Variants in NEMF observed in about 807,000 individuals in gnomAD.
NEMF encodes nuclear export mediator factor, also known as ribosome quality control complex subunit NEMF.
A neutral mutation model predicts 162.2 loss-of-function variants in NEMF; 89 were observed. The observed-to-expected ratio is 0.55, with a 90% CI of 0.46 to 0.65. The LOEUF is 0.65. NEMF is among the 30% of genes least tolerant of loss of function. The probability of loss-of-function intolerance (pLI) is 0.00; values close to 1 mark genes in which losing one functional copy is unlikely to be tolerated. For synonymous variants in NEMF, 421 were observed against 404.5 expected, an observed-to-expected ratio of 1.04 and a Z score of -0.49; for missense variants, 1,133 against 1,261.9, an observed-to-expected ratio of 0.90 and a Z score of 1.55.
intron 11 of NEMF, among the ~76,000 whole-genome samples, chr14:49,830,595 G>C (rs996623794): frequency 6.6e-6 from 1 of 152,192 alleles, no homozygotes; most frequent in African/African-American, 2.4e-5. Flanking sequence ...ATGCTGGCCA[G>C]GCTGTTCTTG....
rs1378160884 is a variant in NEMF at position 49,783,494 on chromosome 14, T to G, written c.*1142A>C. 1 of 151,636 alleles carries G rather than the reference T, an allele frequency of 6.6e-6. No homozygotes were observed. Among genetic ancestry groups the G allele is most frequent in the African/African-American group, 2.4e-5 (1 of 40,922 alleles). The allele number at this position is 151,636 out of a possible 1,614,324, so 9.4% of individuals were successfully genotyped here. A position where few individuals can be genotyped will look rare whatever the true frequency, so the allele number is the denominator to read the frequency against. On this transcript the variant is annotated 3_prime_UTR_variant, in exon 33 of 33. Transcript: ENST00000298310. ...GTGTAGGGGCTGGAGCAAGTGGTCA[T>G]GCTGAATACAGGCAGGTGCTGTCCA...
At chr14:49,806,819 G>C (rs1252538193) in intron 18 of NEMF, among the ~76,000 whole-genome samples, 1 of 152,096 alleles carries the variant, frequency 6.6e-6, no homozygotes, top group Non-Finnish European at 1.5e-5. Flanking sequence ...TCATGAACAT[G>C]AAGAGCATAT....
At chr14:49,804,630 C>T (rs1362440097) in intron 19 of NEMF, among the ~76,000 whole-genome samples, 1 of 150,680 alleles carries the variant, frequency 6.6e-6, no homozygotes, top group Admixed American at 6.7e-5. Flanking sequence ...CACGCCATTG[C>T]ATTCTAGCCT....
intron 27 of NEMF, 66 bp from the exon 28 acceptor site, chr14:49,789,409 A>T: frequency 6.2e-7 from 1 of 1,610,128 alleles, no homozygotes; most frequent in Non-Finnish European, 8.5e-7. Context: ...TTTAACAAGA[A>T]TGTATTGAAT....
At position 49,785,021 on chromosome 14, in the gene NEMF, GAGTA is replaced by G. The variant is rs749537590; in HGVS notation, c.3074-21_3074-18del. On this transcript the variant is annotated intron_variant, in intron 31 of 32. Transcript: ENST00000298310. ...TTTTTGCAGCTGTAAATACAAAAAA[GAGTA>G]AGAATAATCTACTGTTAAGTCACTG... The G allele has an allele frequency of 2.8e-4, 445 of 1,610,990 alleles. No individual in the cohort carries two copies. The highest frequency in any genetic ancestry group is 3.6e-4 in the Non-Finnish European group (428 of 1,177,514).
rs370275157 is a variant in NEMF, at chr14:49,852,746, C to A, written c.8G>T (p.Ser3Ile). 59 of 1,614,134 alleles carry A rather than the reference C, an allele frequency of 3.7e-5. No homozygotes were observed. Among genetic ancestry groups the A allele is most frequent in the Non-Finnish European group, 5.0e-5 (59 of 1,180,060 alleles). MKSRFSTIDLRAV... is the reference protein window; with the variant it reads MKIRFSTIDLRAV... The stretch of plus-strand genomic sequence containing the variant: ...GCGGAGGTCAATGGTGCTAAAGCGG[C>A]TCTTCATGGCGAGGCCCGAGGGTCA... Residue 3 changes from serine (S) to isoleucine (I), a missense_variant, in exon 1 of 33, where the codon AGC becomes ATC. This residue lies in a region of NEMF where 582 missense variants were observed against 631.5 expected (regional missense o/e 0.92). Coordinates refer to ENST00000298310, the MANE Select transcript of NEMF (RefSeq NM_004713.6).
At chr14:49,799,006 G>A (rs1035285268) in intron 25 of NEMF, among the ~76,000 whole-genome samples, 1 of 151,802 alleles carries the variant, frequency 6.6e-6, no homozygotes, top group African/African-American at 2.4e-5. Flanking sequence ...TTGAGCCCAG[G>A]GGTTTAAGAC....
chr14:49,828,941 T>C, intron 13 of NEMF, 113 bp downstream of exon 13: 1 of 1,317,732 alleles, frequency 7.6e-7, no homozygotes, highest in Non-Finnish European at 1.0e-6. Context: ...AAATTAGTTT[T>C]TTCCCTTTCT....
At chr14:49,825,832 A>G in intron 16 of NEMF, 35 bp downstream of exon 16, 1 of 1,384,444 alleles carries the variant, frequency 7.2e-7, no homozygotes, top group Non-Finnish European at 1.0e-6. Flanking sequence ...TTTAATAAAA[A>G]CAAAAACTGT....
intron 29 of NEMF, 37 bp downstream of exon 29, chr14:49,786,679 TCA>T: frequency 6.4e-7 from 1 of 1,563,688 alleles, no homozygotes. Flanking sequence ...TGAATTGTAA[TCA>T]CAGTGTTGTA....
chr14:49,809,847 C>T (rs1032040773), intron 18 of NEMF, among the ~76,000 whole-genome samples: 2 of 151,902 alleles, frequency 1.3e-5, no homozygotes, highest in East Asian at 3.9e-4. Context: ...GGCAACAGAG[C>T]GAGACTCTGT....
intron 18 of NEMF, among the ~76,000 whole-genome samples, chr14:49,813,133 A>C (rs1433024991): frequency 6.6e-6 from 1 of 152,158 alleles, no homozygotes; most frequent in African/African-American, 2.4e-5. Context: ...ATGTGCACTT[A>C]AGAATACAGG....
Position 49,793,316 on chromosome 14 carries a change from T to C in NEMF, c.2619+2475A>G, listed in dbSNP as rs914520385. Among the ~76,000 whole-genome samples, 5 of 152,302 alleles carry C rather than the reference T, an allele frequency of 3.3e-5. No individual in the cohort carries two copies. In the East Asian group the frequency reaches 7.7e-4, roughly 23 times the overall value. ...TAAAATTAGTAAGTGCTCTATAAGA[T>C]TGCCCATTACTTGATCAACATGAAA... On this transcript the variant is annotated intron_variant, in intron 26 of 32. Coordinates refer to ENST00000298310, the MANE Select transcript of NEMF (RefSeq NM_004713.6).
rs57660068 is a variant in NEMF at position 49,813,662 on chromosome 14, GGTGTGTGTGT to G, written c.1744+316_1744+325del. ...TTTATCATTACATCTTTTTTTATTA[GGTGTGTGTGT>G]GTGTGTGTGTGTGTGTGTGTGTGTG... On this transcript the variant is annotated intron_variant, in intron 18 of 32. Coordinates refer to ENST00000298310, the MANE Select transcript of NEMF (RefSeq NM_004713.6). Among the ~76,000 whole-genome samples, 1,192 of 148,510 alleles carry G rather than the reference GGTGTGTGTGT, an allele frequency of 8.0e-3. 8 individuals are homozygous for G. Among genetic ancestry groups the G allele is most frequent in the Non-Finnish European group, 0.012 (807 of 67,106 alleles).
rs75579591 is a variant in NEMF, at chr14:49,805,035, G to A, written c.1857+986C>T. On this transcript the variant is annotated intron_variant, in intron 19 of 32. Coordinates refer to ENST00000298310, the MANE Select transcript of NEMF (RefSeq NM_004713.6). ...ACAGAGCAAGACTCCATCTCAAAAC[G>A]AACAAACAAACACAAAAAACCAGCA... 5.2e-3 allele frequency among the ~76,000 whole-genome samples: 795 copies of A among 151,810 alleles called. 3 individuals carry two copies. Among genetic ancestry groups the A allele is most frequent in the Non-Finnish European group, 8.9e-3 (602 of 67,886 alleles).
chr14:49,825,534 G>T (rs1373407872), intron 16 of NEMF, among the ~76,000 whole-genome samples: 1 of 152,114 alleles, frequency 6.6e-6, no homozygotes, highest in African/African-American at 2.4e-5. Flanking sequence ...CTAGAAGTTT[G>T]AGACCAGCCT....
At chr14:49,796,382 T>C (rs1421083805) in intron 25 of NEMF, 2 of 437,322 alleles carry the variant, frequency 4.6e-6, no homozygotes, top group Middle Eastern at 3.3e-4. Context: ...TTTATTACTG[T>C]GGTATTCTTC....
intron 23 of NEMF, among the ~76,000 whole-genome samples, 165 bp from the exon 24 acceptor site, chr14:49,799,843 C>T (rs1339790277): frequency 6.6e-6 from 1 of 152,190 alleles, no homozygotes; most frequent in Non-Finnish European, 1.5e-5. Context: ...TCTCTCCACA[C>T]TTCCATATAC....
intron 15 of NEMF, among the ~76,000 whole-genome samples, chr14:49,827,025 A>T (rs1892386054): frequency 6.6e-6 from 1 of 152,098 alleles, no homozygotes; most frequent in African/African-American, 2.4e-5. Context: ...AACAGCTAAG[A>T]TCCCAGTGTA....
Sources: allele counts gnomAD v4.1 joint callset (sites outside exome capture counted in the v4.1 genomes callset), GRCh38; gene constraint gnomAD v4.1.1; regional missense constraint gnomAD v4.1.1; transcripts MANE v1.5; gene names NCBI Gene and HGNC (gene_info 2026-07-23, HGNC 2026-07-21).